The following LYPLAL1 variants were observed in gnomAD, a reference collection of about 807,000 sequenced individuals.
LYPLAL1 encodes lysophospholipase-like protein 1.
Under a neutral mutation model 19.7 loss-of-function variants are expected in LYPLAL1, and 23 were observed. That is an observed-to-expected ratio of 1.17 (90% CI 0.84 to 1.65). The LOEUF (loss-of-function observed/expected upper bound fraction) is 1.65. LYPLAL1 is among the 40% of genes most tolerant of loss of function. The pLI, the probability that LYPLAL1 is intolerant of heterozygous loss-of-function variation, is 0.00. For missense variants in LYPLAL1, 355 were observed against 279.4 expected (o/e 1.27, Z -1.93); for synonymous variants, 119 against 96.3 (o/e 1.24, Z -1.38).
At chr1:219,365,823 G>C in the LYPLAL1 span, among the ~76,000 whole-genome samples, 4 of 152,066 alleles carry the variant, frequency 2.6e-5, no homozygotes, top group Non-Finnish European at 5.9e-5. Context: ...AAAACTGTTA[G>C]CTTTGTCTTT....
chr1:219,253,048 G>A, the LYPLAL1 span, among the ~76,000 whole-genome samples: 7 of 151,844 alleles, frequency 4.6e-5, no homozygotes, highest in Admixed American at 1.3e-4. Context: ...TATCCACCTC[G>A]TCTAGGTTTT....
chr1:219,361,863 CT>C, the LYPLAL1 span, among the ~76,000 whole-genome samples: 1 of 152,124 alleles, frequency 6.6e-6, no homozygotes, highest in African/African-American at 2.4e-5. Context: ...TTGGCAAATG[CT>C]GTCTTTCTGT....
At chr1:219,239,232 G>T in the LYPLAL1 span, among the ~76,000 whole-genome samples, 3 of 152,204 alleles carry the variant, frequency 2.0e-5, no homozygotes, top group Non-Finnish European at 2.9e-5. Context: ...AAATAAATGA[G>T]AGAGCTGGGA....
At chr1:219,416,569 CTATT>C in the LYPLAL1 span, among the ~76,000 whole-genome samples, 3 of 152,062 alleles carry the variant, frequency 2.0e-5, no homozygotes, top group African/African-American at 7.2e-5. Context: ...TTTTGCAACT[CTATT>C]TATACTCATG....
At chr1:219,329,298 A>C in the LYPLAL1 span, among the ~76,000 whole-genome samples, 5 of 152,200 alleles carry the variant, frequency 3.3e-5, no homozygotes, top group African/African-American at 1.2e-4. Flanking sequence ...AAATATGAAA[A>C]GTCTTAACAT....
the LYPLAL1 span, among the ~76,000 whole-genome samples, chr1:219,240,959 G>C: frequency 1.5e-3 from 225 of 151,634 alleles, 2 homozygotes; most frequent in East Asian, 0.04. Context: ...ATTCAGGGAC[G>C]CTTAGGCAGG....
the LYPLAL1 span, among the ~76,000 whole-genome samples, chr1:219,386,830 T>C: frequency 2.0e-5 from 3 of 152,150 alleles, no homozygotes; most frequent in African/African-American, 7.2e-5. Context: ...GGACGCATAA[T>C]CATCAAGTCA....
At chr1:219,180,748 G>T (rs1656209593) in intron 2 of LYPLAL1, among the ~76,000 whole-genome samples, 1 of 152,072 alleles carries the variant, frequency 6.6e-6, no homozygotes, top group Non-Finnish European at 1.5e-5. Flanking sequence ...CTTATTCTAG[G>T]AATTAATATT....
the LYPLAL1 span, among the ~76,000 whole-genome samples, chr1:219,348,583 A>G: frequency 6.6e-6 from 1 of 152,114 alleles, no homozygotes; most frequent in Non-Finnish European, 1.5e-5. Context: ...GAGTACTGAT[A>G]TACTCGACTA....
the LYPLAL1 span, among the ~76,000 whole-genome samples, chr1:219,228,162 C>T: frequency 6.6e-6 from 1 of 152,092 alleles, no homozygotes; most frequent in Admixed American, 6.5e-5. Context: ...AGAAAACTTC[C>T]CTAAAGGGTC....
chr1:219,274,929 A>G, the LYPLAL1 span, among the ~76,000 whole-genome samples: 1 of 152,166 alleles, frequency 6.6e-6, no homozygotes, highest in Non-Finnish European at 1.5e-5. Flanking sequence ...ACTATTCTTC[A>G]AAGGTAACTC....
chr1:219,386,613 C>G, the LYPLAL1 span, among the ~76,000 whole-genome samples: 3 of 152,210 alleles, frequency 2.0e-5, no homozygotes, highest in African/African-American at 7.2e-5. Flanking sequence ...TAAGACATCT[C>G]AAGGATATAT....
chr1:219,319,425 A>C, the LYPLAL1 span, among the ~76,000 whole-genome samples: 1 of 152,174 alleles, frequency 6.6e-6, no homozygotes, highest in Admixed American at 6.5e-5. Context: ...AGAGGATTCC[A>C]TGAGGCTGAT....
chr1:219,357,260 C>T, the LYPLAL1 span, among the ~76,000 whole-genome samples: 1 of 152,150 alleles, frequency 6.6e-6, no homozygotes, highest in Non-Finnish European at 1.5e-5. Context: ...GCTTGCAACT[C>T]AATTCCACAA....
the LYPLAL1 span, among the ~76,000 whole-genome samples, chr1:219,355,817 C>A: frequency 6.7e-6 from 1 of 149,952 alleles, no homozygotes; most frequent in African/African-American, 2.4e-5. Flanking sequence ...AGAAAGATAC[C>A]TGAAAAAAAA....
At chr1:219,261,929 C>T in the LYPLAL1 span, among the ~76,000 whole-genome samples, 1 of 152,094 alleles carries the variant, frequency 6.6e-6, no homozygotes, top group African/African-American at 2.4e-5. Flanking sequence ...TTGATTATTC[C>T]CTTGAATAAG....
chr1:219,265,437 A>T, the LYPLAL1 span, among the ~76,000 whole-genome samples: 1 of 152,198 alleles, frequency 6.6e-6, no homozygotes, highest in Non-Finnish European at 1.5e-5. Flanking sequence ...CTATTATTTA[A>T]TGATTGAAAA....
At chr1:219,285,010 A>C in the LYPLAL1 span, among the ~76,000 whole-genome samples, 143,910 of 152,310 alleles carry the variant, frequency 0.94, 68,227 homozygotes, top group East Asian at 1. Context: ...AATAACACTT[A>C]AAAATTATAC....
chr1:219,306,047 G>A, the LYPLAL1 span, among the ~76,000 whole-genome samples: 3 of 152,068 alleles, frequency 2.0e-5, no homozygotes, highest in East Asian at 1.9e-4. Context: ...TACTACTAGC[G>A]TTTTCTAACA....
Sources: allele counts gnomAD v4.1 joint callset (sites outside exome capture counted in the v4.1 genomes callset), GRCh38; gene constraint gnomAD v4.1.1; transcripts MANE v1.5; gene names NCBI Gene and HGNC (gene_info 2026-07-23, HGNC 2026-07-21).